RELCH: variants seen among roughly 807,000 people sequenced by gnomAD.
RELCH encodes the protein RAB11 binding and LisH domain, coiled-coil and HEAT repeat containing, also known as RAB11-binding protein RELCH.
A neutral mutation model predicts 150.3 loss-of-function variants in RELCH; 41 were observed. That is an observed-to-expected ratio of 0.27 (90% CI 0.21 to 0.35). The LOEUF (loss-of-function observed/expected upper bound fraction) is 0.35, where lower values mean the gene tolerates loss of function less well. RELCH is among the 10% of genes least tolerant of loss of function. The pLI is 1.00. For missense variants in RELCH, 1,092 were observed against 1,467.8 expected, an observed-to-expected ratio of 0.74 and a Z score of 4.18; for synonymous variants, 478 against 531.8, an observed-to-expected ratio of 0.90 and a Z score of 1.39.
chr18:62,280,791 G>A, intron 24 of RELCH, 82 bp downstream of exon 24: 3 of 920,306 alleles, frequency 3.3e-6, no homozygotes, highest in Admixed American at 2.0e-5. Flanking sequence ...GCTGCAGGGA[G>A]CATCTTACCT....
intron 11 of RELCH, among the ~76,000 whole-genome samples, chr18:62,250,534 C>T (rs928043845): frequency 6.6e-6 from 1 of 151,870 alleles, no homozygotes; most frequent in African/African-American, 2.4e-5. Flanking sequence ...TATTTGCCTT[C>T]CTAAAGTAGA....
Position 62,268,853 on chromosome 18 carries a change from A to G in RELCH, c.2681-16A>G, listed in dbSNP as rs1555744053. ...AAATATACTTATGTTTTTTTAAATT[A>G]TTTTAATAATTTTAGATTCCTCAGC... On this transcript the variant is annotated splice_polypyrimidine_tract_variant and intron_variant, in intron 19 of 28. Transcript: ENST00000644646. The G allele has an allele frequency of 1.5e-6, 2 of 1,332,514 alleles. No homozygotes were observed. Among genetic ancestry groups the G allele is most frequent in the Non-Finnish European group, 2.0e-6 (2 of 983,200 alleles). 82.5% of individuals were successfully genotyped at this position (1,332,514 alleles called of 1,614,324 possible). A position where few individuals can be genotyped will look rare whatever the true frequency, so the allele number is the denominator to read the frequency against.
chr18:62,309,566 T>C lies in RELCH; in HGVS notation c.*4032T>C, dbSNP rs1291960705. On this transcript the variant is annotated 3_prime_UTR_variant, in exon 29 of 29. Transcript: ENST00000644646. ...AAAGTACATAACAGTTAATATAAAC[T>C]TAATATTGCATCAAAAACAAATATA... is the stretch of plus-strand genomic sequence containing the variant. 6.6e-6 allele frequency: 1 copy of C among 152,216 alleles called. No individual in the cohort carries two copies. The highest frequency in any genetic ancestry group is 1.5e-5 in the Non-Finnish European group (1 of 68,032). The allele number at this position is 152,216 out of a possible 1,614,324, so 9.4% of individuals were successfully genotyped here. A position where few individuals can be genotyped will look rare whatever the true frequency, so the allele number is the denominator to read the frequency against.
At chr18:62,199,798 A>T (rs1246295217) in intron 1 of RELCH, among the ~76,000 whole-genome samples, 1 of 152,124 alleles carries the variant, frequency 6.6e-6, no homozygotes, top group African/African-American at 2.4e-5. Context: ...GCTTGAGTTC[A>T]TATTTCTATT....
chr18:62,237,251 T>C (rs941341907), intron 10 of RELCH, among the ~76,000 whole-genome samples: 3 of 151,818 alleles, frequency 2.0e-5, no homozygotes, highest in African/African-American at 7.2e-5. Context: ...GAGAAGAATA[T>C]ATATTCTGCT....
intron 5 of RELCH, among the ~76,000 whole-genome samples, chr18:62,226,546 A>G (rs187309594): frequency 3.3e-5 from 5 of 152,230 alleles, no homozygotes; most frequent in Non-Finnish European, 7.4e-5. Context: ...AAAATTAATG[A>G]TTTGAGTTTA....
intron 10 of RELCH, among the ~76,000 whole-genome samples, chr18:62,239,614 A>G (rs1340918215): frequency 2.6e-5 from 4 of 152,022 alleles, no homozygotes. Context: ...CTCCAGTCTA[A>G]GAGCACTAGA....
intron 1 of RELCH, among the ~76,000 whole-genome samples, chr18:62,203,477 T>C (rs2039579826): frequency 6.6e-6 from 1 of 152,004 alleles, no homozygotes; most frequent in African/African-American, 2.4e-5. Context: ...ATGTCCAAGC[T>C]CACTAGAAAT....
intron 25 of RELCH, among the ~76,000 whole-genome samples, chr18:62,283,852 A>G (rs2044650693): frequency 6.6e-6 from 1 of 152,226 alleles, no homozygotes; most frequent in African/African-American, 2.4e-5. Context: ...GATAGGCTCA[A>G]CAGGCAATGG....
At chr18:62,228,122 C>T (rs1017342873) in intron 7 of RELCH, among the ~76,000 whole-genome samples, 183 bp from the exon 8 acceptor site, 1 of 151,998 alleles carries the variant, frequency 6.6e-6, no homozygotes, top group East Asian at 1.9e-4. Context: ...GAGTTTATAG[C>T]TACAGTTTTA....
At chr18:62,297,665 C>T (rs1027211726) in intron 27 of RELCH, among the ~76,000 whole-genome samples, 3 of 152,140 alleles carry the variant, frequency 2.0e-5, no homozygotes, top group African/African-American at 4.8e-5. Context: ...AAGTCCTTAT[C>T]ATAATCTCAA....
intron 1 of RELCH, among the ~76,000 whole-genome samples, chr18:62,201,196 A>G (rs1221638912): frequency 6.6e-6 from 1 of 151,804 alleles, no homozygotes; most frequent in Non-Finnish European, 1.5e-5. Context: ...GATGGTCTCG[A>G]TCTCCTGACC....
intron 15 of RELCH, among the ~76,000 whole-genome samples, chr18:62,259,323 G>C (rs1304557784): frequency 1.3e-5 from 2 of 151,766 alleles, no homozygotes; most frequent in African/African-American, 2.4e-5. Context: ...GTTAGCGTTT[G>C]AGCATTTCTA....
intron 5 of RELCH, among the ~76,000 whole-genome samples, chr18:62,226,427 A>G (rs141051810): frequency 0.012 from 1,763 of 152,226 alleles, 11 homozygotes; most frequent in Middle Eastern, 0.078. Flanking sequence ...TTGTAATAAT[A>G]TGAATTATAT....
chr18:62,221,310 C>T, intron 4 of RELCH, 36 bp downstream of exon 4: 1 of 1,551,426 alleles, frequency 6.4e-7, no homozygotes, highest in South Asian at 1.1e-5. Flanking sequence ...ATTAATCTTC[C>T]ACATTAAATG....
chr18:62,300,768 T>C (rs760464453), intron 28 of RELCH, among the ~76,000 whole-genome samples: 1 of 152,192 alleles, frequency 6.6e-6, no homozygotes, highest in African/African-American at 2.4e-5. Flanking sequence ...GAAACATCAG[T>C]TACCTGTGTA....
At chr18:62,235,121 G>A (rs1481042543) in intron 10 of RELCH, 2 of 151,894 alleles carry the variant, frequency 1.3e-5, no homozygotes, top group African/African-American at 2.4e-5. Context: ...TTAGGTCAAC[G>A]ATTCATTTTG....
intron 1 of RELCH, among the ~76,000 whole-genome samples, chr18:62,195,125 A>G (rs751837874): frequency 2.6e-5 from 4 of 152,208 alleles, no homozygotes; most frequent in Admixed American, 2.0e-4. Context: ...TAGAATTTCT[A>G]TTAACTGAAT....
rs146197201 is a variant in RELCH at position 62,216,577 on chromosome 18, G to A, written c.617-4460G>A. On this transcript the variant is annotated intron_variant, in intron 2 of 28. Coordinates refer to ENST00000644646, the MANE Select transcript of RELCH (RefSeq NM_001346231.2). ...TTTATCACATGTCACATCAAGTATC[G>A]GAATGTCCATTCATACTCAGCAAGT... 2.2e-3 allele frequency among the ~76,000 whole-genome samples: 330 copies of A among 152,022 alleles called. 2 individuals are homozygous for A. The highest frequency in any genetic ancestry group is 7.3e-3 in the African/African-American group (304 of 41,502).
Sources: allele counts gnomAD v4.1 joint callset (sites outside exome capture counted in the v4.1 genomes callset), GRCh38; gene constraint gnomAD v4.1.1; transcripts MANE v1.5; gene names NCBI Gene and HGNC (gene_info 2026-07-23, HGNC 2026-07-21).